Variants in ARHGEF11 observed in about 807,000 individuals in gnomAD.
The protein encoded by ARHGEF11 is Rho guanine exchange factor (GEF) 11.
A neutral mutation model predicts 193.7 loss-of-function variants in ARHGEF11; 55 were observed. That is an observed-to-expected ratio of 0.28 (90% CI 0.23 to 0.36). The LOEUF is 0.36. ARHGEF11 is among the 10% of genes least tolerant of loss of function. ARHGEF11 has a pLI of 1.00. For synonymous variants in ARHGEF11, 693 were observed against 768.0 expected, an observed-to-expected ratio of 0.90 and a Z score of 1.62; for missense variants, 1,723 against 2,005.6, an observed-to-expected ratio of 0.86 and a Z score of 2.69.
Position 156,945,195 on chromosome 1 carries a change from C to T in ARHGEF11, c.2815G>A (p.Gly939Ser). The T allele has an allele frequency of 6.2e-7, 1 of 1,613,434 alleles. No individual in the cohort carries two copies. The highest frequency in any genetic ancestry group is 8.5e-7 in the Non-Finnish European group (1 of 1,179,616). The change falls in exon 30 of 41, where the codon GGC (glycine) becomes AGC (serine). Residue 939 changes from glycine to serine, a missense_variant and splice_region_variant. Physicochemically the swap from Gly to Ser is moderately conservative, Grantham distance 56. This residue lies in a region of ARHGEF11 where 491 missense variants were observed against 654.5 expected (regional missense o/e 0.75). Coordinates refer to ENST00000368194, the MANE Select transcript of ARHGEF11 (RefSeq NM_198236.3). ...CACAGCTTCTCATGCTCAGAGGTGC[C>T]ACCTACCAAAATGGACAGAAGAGAT... ...LESIIKHTEG[G>S]TSEHEKLCRA...
intron 1 of ARHGEF11, among the ~76,000 whole-genome samples, chr1:156,999,196 A>C (rs180862496): frequency 6.6e-6 from 1 of 152,364 alleles, no homozygotes; most frequent in African/African-American, 2.4e-5. Context: ...ACAGGCATTC[A>C]TTTAATCCTG....
rs541645596 is a variant in ARHGEF11, at chr1:157,004,149, C to T, written c.33-17976G>A. Among the ~76,000 whole-genome samples the T allele has an allele frequency of 4.5e-4, 69 of 152,322 alleles. 1 individual carries two copies. The highest frequency in any genetic ancestry group is 3.4e-3 in the Middle Eastern group (1 of 294). The stretch of plus-strand genomic sequence containing the variant: ...ACACAGTTGACATTCTAACTTTAAC[C>T]ATACAACTCTTTACCAGGTCCTGCT... On this transcript the variant is annotated intron_variant, in intron 1 of 40. Transcript: ENST00000368194.
intron 1 of ARHGEF11, among the ~76,000 whole-genome samples, chr1:157,002,194 G>A (rs193129240): frequency 6.5e-4 from 99 of 152,170 alleles, no homozygotes; most frequent in African/African-American, 2.3e-3. Flanking sequence ...ATCAATAATG[G>A]ACCACCTCGA....
At chr1:156,941,140 C>T (rs1168982206) in intron 35 of ARHGEF11, among the ~76,000 whole-genome samples, 1 of 152,156 alleles carries the variant, frequency 6.6e-6, no homozygotes, top group Non-Finnish European at 1.5e-5. Context: ...CCCAGAGAGG[C>T]TGGGTGGGAA....
At chr1:156,946,887 G>T (rs757641546) in intron 27 of ARHGEF11, 49 bp downstream of exon 27, 9 of 1,613,178 alleles carry the variant, frequency 5.6e-6, no homozygotes, top group Admixed American at 3.3e-5. Context: ...ATGAGACCCT[G>T]CCTCCCCCAA....
In ARHGEF11 at chr1:157,044,766, T is replaced by C. The variant is rs367921033; in HGVS notation, c.-436A>G. ...TAAATCCAGCTTTCTCAGCTGTCCT[T>C]CTGTTGGCAAGAGACCCTCTAGCTC... On this transcript the variant is annotated 5_prime_UTR_variant, in exon 1 of 41. Transcript: ENST00000368194. The C allele has an allele frequency of 5.3e-6, 2 of 379,162 alleles. No individual in the cohort carries two copies. The allele number at this position is 379,162 out of a possible 1,614,324, so 23.5% of individuals were successfully genotyped here.
At chr1:156,996,098 A>G (rs1229596838) in intron 1 of ARHGEF11, among the ~76,000 whole-genome samples, 1 of 152,242 alleles carries the variant, frequency 6.6e-6, no homozygotes, top group African/African-American at 2.4e-5. Context: ...ATAATTTCAT[A>G]GGTTTAACAA....
chr1:156,943,839 G>A, intron 32 of ARHGEF11, 96 bp downstream of exon 32: 5 of 1,408,310 alleles, frequency 3.6e-6, no homozygotes, highest in Non-Finnish European at 4.8e-6. Context: ...TGGACAGGTA[G>A]GTCCTGTAAA....
At chr1:157,013,036 T>C (rs1001277114) in intron 1 of ARHGEF11, among the ~76,000 whole-genome samples, 2 of 152,120 alleles carry the variant, frequency 1.3e-5, no homozygotes, top group African/African-American at 4.8e-5. Context: ...AGGGCAGTGA[T>C]GTGGAAGAGG....
At chr1:157,019,669 C>T (rs1176153305) in intron 1 of ARHGEF11, among the ~76,000 whole-genome samples, 1 of 152,122 alleles carries the variant, frequency 6.6e-6, no homozygotes, top group Non-Finnish European at 1.5e-5. Context: ...TGGAATACTA[C>T]TCAGCAATGA....
intron 1 of ARHGEF11, among the ~76,000 whole-genome samples, chr1:157,020,687 C>T (rs562424855): frequency 6.6e-6 from 1 of 152,274 alleles, no homozygotes; most frequent in East Asian, 1.9e-4. Flanking sequence ...CTTTCATTTG[C>T]CTTTGTAATA....
chr1:156,950,343 A>C (rs530040018), intron 22 of ARHGEF11, among the ~76,000 whole-genome samples: 38 of 152,372 alleles, frequency 2.5e-4, no homozygotes, highest in Non-Finnish European at 4.6e-4. Context: ...TAGTTATTTC[A>C]AAGGCAAAAT....
At chr1:157,025,699 C>T (rs960183814) in intron 1 of ARHGEF11, among the ~76,000 whole-genome samples, 5 of 152,110 alleles carry the variant, frequency 3.3e-5, no homozygotes, top group African/African-American at 9.7e-5. Context: ...AGGGAAGGCA[C>T]TCTATTCAAG....
intron 1 of ARHGEF11, among the ~76,000 whole-genome samples, chr1:156,991,398 C>G (rs1313584495): frequency 6.6e-6 from 1 of 152,234 alleles, no homozygotes; most frequent in East Asian, 1.9e-4. Flanking sequence ...CAGCTCACTG[C>G]AACCTCTGCC....
rs777146439 is a variant in ARHGEF11, at chr1:156,940,269, A to G, written c.3671T>C (p.Ile1224Thr). Residue 1224 changes from isoleucine to threonine, a missense_variant, in exon 36 of 41, where the codon ATC becomes ACC. Ile to Thr is a moderately conservative substitution (Grantham distance 89, BLOSUM62 -1). Around this residue, in one of 5 missense-constraint regions of ARHGEF11, gnomAD observed 203 missense variants for 237.3 expected, o/e 0.86. Transcript: ENST00000368194. ...CAGAGGGCCTGGGAAGGCCAAGTGGATGGGGTTCCTTGTCCTGATGCCCCT... is the reference window on the plus strand; with the variant it reads ...CAGAGGGCCTGGGAAGGCCAAGTGGGTGGGGTTCCTTGTCCTGATGCCCCT... The part of the protein sequence containing the change: ...ENRGIRTRNP[I>T]HLAFPGPLFM... The G allele has an allele frequency of 2.5e-6, 4 of 1,612,310 alleles. No individual in the cohort carries two copies. In the African/African-American group the frequency reaches 5.3e-5, roughly 22 times the overall value.
At chr1:156,988,229 A>T (rs1665215906) in intron 1 of ARHGEF11, among the ~76,000 whole-genome samples, 1 of 152,188 alleles carries the variant, frequency 6.6e-6, no homozygotes, top group Admixed American at 6.5e-5. Context: ...TGGAAGGTCC[A>T]TGAAAGCAGA....
rs1658388781 is a variant in ARHGEF11, at chr1:156,947,640, A to G, written c.2341+129T>C. 9 of 1,364,212 alleles carry G rather than the reference A, an allele frequency of 6.6e-6. No individual in the cohort carries two copies. In the Admixed American group the frequency reaches 1.8e-4, roughly 27 times the overall value. The allele number at this position is 1,364,212 out of a possible 1,614,324, so 84.5% of individuals were successfully genotyped here. On this transcript the variant is annotated intron_variant, in intron 25 of 40. Transcript: ENST00000368194. ...GAGGGGAACCTTATAGCAACAGGCA[A>G]TGTGGACCTGCTCCAGCACACAGGG...
In ARHGEF11 at chr1:156,939,852, A is replaced by G. The variant is rs1182373695; in HGVS notation, c.3792T>C (p.Thr1264=). 1.9e-6 allele frequency: 3 copies of G among 1,611,900 alleles called. No individual in the cohort carries two copies. The African/African-American group carries it at 4.0e-5, about 22-fold the overall frequency. ...WSLLPGHTME[T]QAAQEPEDDL... ...CGTCCTCGGGCTCCTGGGCAGCCTG[A>G]GTTTCCATGGTGTGACCTGGCAGCA... The change falls in exon 37 of 41, where the codon ACT becomes ACC. Residue 1264 remains threonine, a synonymous_variant. Transcript: ENST00000368194.
Position 156,939,910 on chromosome 1 carries a change from A to G in ARHGEF11, c.3734T>C (p.Val1245Ala). ...EGLADSALED[V>A]ENLRHLILWS... ...CAGGATCAGATGTCGCAGGTTCTCC[A>G]CTGGAGGGGAAACAGGGTGATGTCT... The change falls in exon 37 of 41, where the codon GTG becomes GCG. Residue 1245 changes from valine (V) to alanine (A), a missense_variant and splice_region_variant. Physicochemically the swap from Val to Ala is moderately conservative, Grantham distance 64. This residue lies in a region of ARHGEF11 where 203 missense variants were observed against 237.3 expected (regional missense o/e 0.86). Transcript: ENST00000368194. 2 of 1,601,340 alleles carry G rather than the reference A, an allele frequency of 1.2e-6. No homozygotes were observed. The highest frequency in any genetic ancestry group is 1.1e-5 in the South Asian group (1 of 90,862).
Sources: allele counts gnomAD v4.1 joint callset (sites outside exome capture counted in the v4.1 genomes callset), GRCh38; gene constraint gnomAD v4.1.1; regional missense constraint gnomAD v4.1.1; transcripts MANE v1.5; gene names NCBI Gene and HGNC (gene_info 2026-07-23, HGNC 2026-07-21).